Variants in KIF20B observed in about 807,000 individuals in gnomAD.
The protein encoded by KIF20B is kinesin family member 20B.
In KIF20B, 188 loss-of-function variants were observed where a neutral mutation model predicts 232.5. That is an observed-to-expected ratio of 0.81 (90% CI 0.72 to 0.91). The LOEUF (loss-of-function observed/expected upper bound fraction) is 0.91. KIF20B is among the 40% of genes least tolerant of loss of function. KIF20B has a pLI of 0.00. For missense variants in KIF20B, 2,154 were observed against 2,055.9 expected (o/e 1.05, Z -0.92); for synonymous variants, 712 against 683.0 (o/e 1.04, Z -0.66).
At chr10:89,721,547 G>T (rs11185859) in intron 13 of KIF20B, among the ~76,000 whole-genome samples, 2,564 of 152,220 alleles carry the variant, frequency 0.017, 90 homozygotes, top group African/African-American at 0.058. Flanking sequence ...ATGCACAGGT[G>T]TAGTCCCAGC....
chr10:89,746,406 C>A (rs1036199266), intron 23 of KIF20B, among the ~76,000 whole-genome samples: 2 of 152,104 alleles, frequency 1.3e-5, no homozygotes, highest in Admixed American at 1.3e-4. Context: ...GTGGTCTTGC[C>A]CTGGGCGGCC....
chr10:89,738,197 C>T lies in KIF20B; in HGVS notation c.3356C>T (p.Thr1119Ile). Reference sequence around the variant, plus strand: ...GATGACCTACTAAAAGAAAAAGAAACTCTTATACAGCAGCTGAAAGAAGAA... The same window carrying T: ...GATGACCTACTAAAAGAAAAAGAAATTCTTATACAGCAGCTGAAAGAAGAA... ...NQDDLLKEKE[T>I]LIQQLKEELQ... Residue 1119 changes from threonine to isoleucine, a missense_variant, in exon 20 of 33, where the codon ACT (threonine) becomes ATT (isoleucine). Thr to Ile is a moderately conservative substitution (Grantham distance 89). Coordinates refer to ENST00000371728, the MANE Select transcript of KIF20B (RefSeq NM_001284259.2). 1.2e-6 allele frequency: 2 copies of T among 1,605,118 alleles called. No individual in the cohort carries two copies. The highest frequency in any genetic ancestry group is 1.7e-6 in the Non-Finnish European group (2 of 1,178,466).
intron 26 of KIF20B, among the ~76,000 whole-genome samples, chr10:89,757,809 G>A (rs1842159581): frequency 6.7e-6 from 1 of 150,188 alleles, no homozygotes; most frequent in East Asian, 1.9e-4. Flanking sequence ...TTTTGTATGT[G>A]TTGTAAGATT....
In KIF20B at chr10:89,751,381, C is replaced by G; in HGVS notation, c.4132C>G (p.Arg1378Gly). The part of the protein sequence containing the change: ...NVKEKIIEDM[R>G]MTLEEQEQTQ... ...TAAAGAGAAAATAATTGAAGACATG[C>G]GAATGACACTAGAAGAACAGGAACA... Residue 1378 changes from arginine to glycine, a missense_variant, in exon 24 of 33, where the codon CGA becomes GGA. Physicochemically the swap from Arg to Gly is moderately radical, Grantham distance 125 (BLOSUM62 -2). Coordinates refer to ENST00000371728, the MANE Select transcript of KIF20B (RefSeq NM_001284259.2). 6.2e-7 allele frequency: 1 copy of G among 1,605,220 alleles called. No homozygotes were observed. The highest frequency in any genetic ancestry group is 8.5e-7 in the Non-Finnish European group (1 of 1,175,702).
At chr10:89,770,078 A>G (rs1255213254) in intron 31 of KIF20B, among the ~76,000 whole-genome samples, 2 of 152,082 alleles carry the variant, frequency 1.3e-5, no homozygotes, top group Admixed American at 6.6e-5. Flanking sequence ...AGTCTCATGC[A>G]TTAGAACTTA....
At chr10:89,732,183 G>T (rs1843338943) in intron 18 of KIF20B, among the ~76,000 whole-genome samples, 1 of 151,254 alleles carries the variant, frequency 6.6e-6, no homozygotes, top group South Asian at 2.1e-4. Context: ...CTGAAGTGCA[G>T]TGATGTGACC....
chr10:89,729,982 A>G (rs1049443892), intron 18 of KIF20B, among the ~76,000 whole-genome samples: 1 of 152,160 alleles, frequency 6.6e-6, no homozygotes, highest in African/African-American at 2.4e-5. Context: ...TGTCTTTTCT[A>G]TGACCAAAAG....
At chr10:89,773,091 T>C (rs1485510158) in intron 32 of KIF20B, among the ~76,000 whole-genome samples, 1 of 152,096 alleles carries the variant, frequency 6.6e-6, no homozygotes, top group African/African-American at 2.4e-5. Context: ...TAGTAACTTA[T>C]TTGCCTCCAC....
At chr10:89,717,795 G>T in intron 11 of KIF20B, 73 bp downstream of exon 11, 3 of 1,082,744 alleles carry the variant, frequency 2.8e-6, no homozygotes, top group Non-Finnish European at 3.9e-6. Flanking sequence ...TTTGTTTTTA[G>T]AAAGTTCTTT....
intron 26 of KIF20B, among the ~76,000 whole-genome samples, chr10:89,756,484 C>T (rs1272281332): frequency 6.6e-6 from 1 of 152,098 alleles, no homozygotes; most frequent in Non-Finnish European, 1.5e-5. Context: ...TATAATCATA[C>T]TTAGGTTGTG....
chr10:89,773,636 T>C (rs1383226673), intron 32 of KIF20B, among the ~76,000 whole-genome samples: 1 of 152,050 alleles, frequency 6.6e-6, no homozygotes, highest in Non-Finnish European at 1.5e-5. Flanking sequence ...TTCTAAGTTA[T>C]ACATTTGTTG....
chr10:89,722,969 G>A (rs1026893844), intron 13 of KIF20B, among the ~76,000 whole-genome samples: 6 of 151,996 alleles, frequency 3.9e-5, no homozygotes, highest in African/African-American at 1.4e-4. Flanking sequence ...CATTGATTAC[G>A]GTAGTTTATG....
At chr10:89,766,572 G>A (rs564878249) in intron 29 of KIF20B, 41 of 152,104 alleles carry the variant, frequency 2.7e-4, no homozygotes, top group African/African-American at 8.4e-4. Context: ...TGGGAGAAAG[G>A]GTATCAGTAA....
intron 14 of KIF20B, among the ~76,000 whole-genome samples, 197 bp from the exon 15 acceptor site, chr10:89,724,823 C>G (rs1221935657): frequency 6.6e-6 from 1 of 152,026 alleles, no homozygotes; most frequent in Non-Finnish European, 1.5e-5. Flanking sequence ...CTGTGTTGGC[C>G]AGGCTGGTTT....
At chr10:89,757,952 G>A (rs1029097061) in intron 26 of KIF20B, among the ~76,000 whole-genome samples, 9 of 151,088 alleles carry the variant, frequency 6.0e-5, no homozygotes, top group Non-Finnish European at 1.3e-4. Flanking sequence ...TTTGTAGATC[G>A]TCTCTTCTGT....
chr10:89,705,318 G>C lies in KIF20B; in HGVS notation c.24G>C (p.Glu8Asp). The C allele has an allele frequency of 6.2e-7, 1 of 1,613,806 alleles. No homozygotes were observed. The highest frequency in any genetic ancestry group is 8.5e-7 in the Non-Finnish European group (1 of 1,179,906). ...GAATGGAATCTAATTTTAATCAAGAGGGAGTACCTCGACCATCTTATGTTT... is the reference window on the plus strand; with the variant it reads ...GAATGGAATCTAATTTTAATCAAGACGGAGTACCTCGACCATCTTATGTTT... MESNFNQ[E>D]GVPRPSYVFS... The change falls in exon 2 of 33, where the codon GAG becomes GAC. Residue 8 changes from glutamate to aspartate, a missense_variant. Glu to Asp is a conservative substitution (Grantham distance 45). Transcript: ENST00000371728.
chr10:89,746,658 C>T (rs1273904356), intron 23 of KIF20B, among the ~76,000 whole-genome samples: 1 of 152,222 alleles, frequency 6.6e-6, no homozygotes, highest in Non-Finnish European at 1.5e-5. Context: ...TGTCCTCACT[C>T]TGTGGGCACA....
chr10:89,769,789 A>T (rs1320401822), intron 31 of KIF20B, among the ~76,000 whole-genome samples: 2 of 152,008 alleles, frequency 1.3e-5, no homozygotes, highest in African/African-American at 4.8e-5. Context: ...TCTGGCATGT[A>T]GAATGTGGAA....
chr10:89,720,969 A>G (rs1042728046), intron 13 of KIF20B, among the ~76,000 whole-genome samples: 10 of 152,234 alleles, frequency 6.6e-5, no homozygotes, highest in Non-Finnish European at 1.2e-4. Context: ...GGCCTCCCAA[A>G]GTGCTGGGAT....
Sources: allele counts gnomAD v4.1 joint callset (sites outside exome capture counted in the v4.1 genomes callset), GRCh38; gene constraint gnomAD v4.1.1; transcripts MANE v1.5; gene names NCBI Gene and HGNC (gene_info 2026-07-23, HGNC 2026-07-21).